Variants in SLC36A3 observed in about 807,000 individuals in gnomAD.
SLC36A3 encodes the protein proton-coupled amino acid transporter 3.
SLC36A3 carries 35 observed loss-of-function variants against 44.3 expected under a neutral mutation model. The ratio of observed to expected loss-of-function variants is 0.79; its 90% CI spans 0.60 to 1.05. SLC36A3 has a LOEUF of 1.05. SLC36A3 is among the 50% of genes least tolerant of loss of function. SLC36A3 has a pLI of 0.00. For synonymous variants in SLC36A3, 211 were observed against 227.6 expected (o/e 0.93, Z 0.66); for missense variants, 540 against 578.7 (o/e 0.93, Z 0.69).
intron 4 of SLC36A3, among the ~76,000 whole-genome samples, chr5:151,290,473 T>C (rs6883893): frequency 0.063 from 9,638 of 152,282 alleles, 972 homozygotes; most frequent in African/African-American, 0.22. Context: ...AATTCACATG[T>C]GCTCATCCCA....
At chr5:151,281,267 T>C in intron 8 of SLC36A3, 84 bp from the exon 9 acceptor site, 2 of 1,388,054 alleles carry the variant, frequency 1.4e-6, no homozygotes, top group Non-Finnish European at 2.0e-6. Context: ...CAGAAGCTGG[T>C]ATGGGTTGAG....
intron 6 of SLC36A3, 38 bp from the exon 7 acceptor site, chr5:151,284,749 G>A: frequency 6.5e-7 from 1 of 1,527,794 alleles, no homozygotes; most frequent in Non-Finnish European, 9.0e-7. Flanking sequence ...GTGTTGTTAT[G>A]GTGTCGAAGT....
intron 3 of SLC36A3, among the ~76,000 whole-genome samples, chr5:151,293,954 T>C (rs1460453354): frequency 6.6e-6 from 1 of 152,230 alleles, no homozygotes; most frequent in Non-Finnish European, 1.5e-5. Context: ...GCCATGTCCC[T>C]CTTTCTCAAC....
chr5:151,288,434 C>A lies in SLC36A3; in HGVS notation c.441G>T (p.Leu147=). 1 of 1,600,076 alleles carries A rather than the reference C, an allele frequency of 6.2e-7. No homozygotes were observed. Among genetic ancestry groups the A allele is most frequent in the South Asian group, 1.1e-5 (1 of 88,180 alleles). Residue 147 remains leucine (L), a synonymous_variant, in exon 5 of 10, where the codon CTG becomes CTT. Transcript: ENST00000335230. ...TVSFLLVITQ[L]GFCSVYFMFM... ...ACATAAAATAAACACTGCAGAAGCC[C>A]AGCTGGGTGATGACTAATAAGAAGC...
At chr5:151,302,747 T>TTA (rs1215487107) in intron 1 of SLC36A3, among the ~76,000 whole-genome samples, 2 of 151,698 alleles carry the variant, frequency 1.3e-5, no homozygotes, top group Non-Finnish European at 2.9e-5. Context: ...AAATTAAATT[T>TTA]AATTTAATTA....
At chr5:151,296,032 T>C in intron 3 of SLC36A3, 148 bp downstream of exon 3, 1 of 732,034 alleles carries the variant, frequency 1.4e-6, no homozygotes, top group Non-Finnish European at 2.4e-6. Context: ...GGACTCTCTG[T>C]CATGCTCTCC....
chr5:151,277,626 C>A lies in SLC36A3; in HGVS notation c.1180G>T (p.Val394Phe), dbSNP rs1452823964. 6.2e-7 allele frequency: 1 copy of A among 1,613,972 alleles called. No homozygotes were observed. Among genetic ancestry groups the A allele is most frequent in the East Asian group, 2.2e-5 (1 of 44,884 alleles). The change falls in exon 10 of 10, where the codon GTC becomes TTC. Residue 394 changes from valine (V) to phenylalanine (F), a missense_variant. Physicochemically the swap from Val to Phe is conservative, Grantham distance 50 (BLOSUM62 -1). Transcript: ENST00000335230. ...SAILIPRLDL[V>F]ISLVGSVSSS... ...CTCACGGAGCCTACCAGGGAGATGA[C>A]CAAGTCCAGGCGGGGGATGAGGATG...
rs539774759 is a variant in SLC36A3 at position 151,287,281 on chromosome 5, C to G, written c.673G>C (p.Gly225Arg). Residue 225 changes from glycine to arginine, a missense_variant, in exon 6 of 10, where the codon GGG becomes CGG. By Grantham distance (125) the Gly-to-Arg change is moderately radical (BLOSUM62 -2). Coordinates refer to ENST00000335230, the MANE Select transcript of SLC36A3 (RefSeq NM_181774.4). ...FSTLANITTL[G>R]SMALIFEYIM... ...TACTCAAAGATCAGAGCCATGCTCCCAAGGGTGGTGATGTTGGCCAATGTC... is the reference window on the plus strand; with the variant it reads ...TACTCAAAGATCAGAGCCATGCTCCGAAGGGTGGTGATGTTGGCCAATGTC... 6.2e-7 allele frequency: 1 copy of G among 1,614,094 alleles called. No individual in the cohort carries two copies. The highest frequency in any genetic ancestry group is 1.3e-5 in the African/African-American group (1 of 74,990).
At chr5:151,292,143 G>A (rs1754782690) in intron 4 of SLC36A3, among the ~76,000 whole-genome samples, 1 of 152,192 alleles carries the variant, frequency 6.6e-6, no homozygotes, top group South Asian at 2.1e-4. Flanking sequence ...TTACAGGCGT[G>A]AGCCACCACA....
At position 151,281,036 on chromosome 5, in the gene SLC36A3, G is replaced by A. The variant is rs748791247; in HGVS notation, c.1122C>T (p.Arg374=). 8 of 1,614,176 alleles carry A rather than the reference G, an allele frequency of 5.0e-6. No individual in the cohort carries two copies. In the South Asian group the frequency reaches 8.8e-5, roughly 18 times the overall value. The stretch of plus-strand genomic sequence containing the variant: ...CACAGGTTAGACAGACCAAGGCTGA[G>A]CGGACAGACAGGTCTACAAACAGTG... ...SWALFVDLSV[R]SALVCLTCVS... Residue 374 remains arginine, a synonymous_variant, in exon 9 of 10, where the codon CGC becomes CGT. Transcript: ENST00000335230.
intron 4 of SLC36A3, 22 bp downstream of exon 4, chr5:151,293,342 C>T: frequency 3.8e-6 from 6 of 1,593,672 alleles, no homozygotes; most frequent in African/African-American, 1.3e-5. Flanking sequence ...GTTGTTACTA[C>T]TACAACATCT....
chr5:151,287,943 G>T (rs1041656137), intron 5 of SLC36A3, among the ~76,000 whole-genome samples: 3 of 152,132 alleles, frequency 2.0e-5, no homozygotes, highest in African/African-American at 4.8e-5. Flanking sequence ...GTTTGGGTGC[G>T]CAAAAACAAG....
intron 3 of SLC36A3, among the ~76,000 whole-genome samples, chr5:151,295,341 C>G (rs1289169275): frequency 6.6e-6 from 1 of 152,200 alleles, no homozygotes; most frequent in Non-Finnish European, 1.5e-5. Context: ...TTGCAAGGCT[C>G]TTGGCACGAT....
intron 2 of SLC36A3, chr5:151,298,274 G>A (rs1755027963): frequency 4.0e-6 from 1 of 248,398 alleles, no homozygotes; most frequent in Non-Finnish European, 7.8e-6. Flanking sequence ...ACACTCAAAT[G>A]CCTGCAGGGA....
rs530356202 is a variant in SLC36A3 at position 151,294,243 on chromosome 5, C to T, written c.309-784G>A. On this transcript the variant is annotated intron_variant, in intron 3 of 9. Coordinates refer to ENST00000335230, the MANE Select transcript of SLC36A3 (RefSeq NM_181774.4). ...TTTTGGGGGAAGAGACAGTGAGAGA[C>T]GGATATAGAGATGTGCTGGAACATG... is the stretch of plus-strand genomic sequence containing the variant. Among the ~76,000 whole-genome samples the T allele has an allele frequency of 2.8e-4, 43 of 152,282 alleles. 1 individual carries two copies. The highest frequency in any genetic ancestry group is 3.4e-3 in the Middle Eastern group (1 of 294).
rs751212636 is a variant in SLC36A3, at chr5:151,303,335, T to A, written c.20A>T (p.Asp7Val). 3.1e-6 allele frequency: 5 copies of A among 1,613,782 alleles called. No homozygotes were observed. Among genetic ancestry groups the A allele is most frequent in the Admixed American group, 1.7e-5 (1 of 59,998 alleles). ...CAAGGAGTTCAGCTCACTGTTGTAG[T>A]CCCTTCCAAGCAATGACATCTTCAA... is the stretch of plus-strand genomic sequence containing the variant. The part of the protein sequence containing the change: MSLLGR[D>V]YNSELNSLDN... Residue 7 changes from aspartate (D) to valine (V), a missense_variant, in exon 1 of 10, where the codon GAC becomes GTC. By Grantham distance (152) the Asp-to-Val change is radical (BLOSUM62 -3). Transcript: ENST00000335230.
chr5:151,294,980 C>G (rs907077460), intron 3 of SLC36A3, among the ~76,000 whole-genome samples: 33 of 151,702 alleles, frequency 2.2e-4, no homozygotes, highest in African/African-American at 7.8e-4. Flanking sequence ...TGAAGTCCCC[C>G]AAAACATAAC....
chr5:151,281,540 G>A (rs1329218043), intron 8 of SLC36A3, among the ~76,000 whole-genome samples: 2 of 152,000 alleles, frequency 1.3e-5, no homozygotes, highest in African/African-American at 4.8e-5. Context: ...GACAATAGCC[G>A]GGCGTGGTGG....
At chr5:151,283,239 A>G (rs1318764944) in intron 8 of SLC36A3, among the ~76,000 whole-genome samples, 1 of 150,742 alleles carries the variant, frequency 6.6e-6, no homozygotes, top group Non-Finnish European at 1.5e-5. Flanking sequence ...ATTTTTTTTT[A>G]TTTGCCTGTG....
Sources: allele counts gnomAD v4.1 joint callset (sites outside exome capture counted in the v4.1 genomes callset), GRCh38; gene constraint gnomAD v4.1.1; transcripts MANE v1.5; gene names NCBI Gene and HGNC (gene_info 2026-07-23, HGNC 2026-07-21).